The following BSN variants were observed in gnomAD, a reference collection of about 807,000 sequenced individuals.
BSN encodes the protein protein bassoon.
In BSN, 57 loss-of-function variants were observed where a neutral mutation model predicts 264.8. The observed-to-expected ratio is 0.22, with a 90% confidence interval of 0.17 to 0.27. BSN has a LOEUF of 0.27. BSN is among the 10% of genes least tolerant of loss of function. The probability of loss-of-function intolerance (pLI) is 1.00; values close to 1 mark genes in which losing one functional copy is unlikely to be tolerated. For synonymous variants in BSN, 2,059 were observed against 2,137.3 expected (o/e 0.96, Z 1.01); for missense variants, 4,615 against 5,232.5 (o/e 0.88, Z 3.64).
chr3:49,577,970 G>A (rs920415065), intron 1 of BSN, among the ~76,000 whole-genome samples: 1 of 152,134 alleles, frequency 6.6e-6, no homozygotes, highest in African/African-American at 2.4e-5. Context: ...AACTGCTGGG[G>A]GTAGCGGGGT....
At chr3:49,600,195 T>C (rs532257316) in intron 1 of BSN, among the ~76,000 whole-genome samples, 1 of 152,260 alleles carries the variant, frequency 6.6e-6, no homozygotes, top group East Asian at 1.9e-4. Context: ...GATCCTGAAT[T>C]GGCAGCCTGA....
chr3:49,573,455 G>T (rs1029235531), intron 1 of BSN, among the ~76,000 whole-genome samples: 7 of 152,170 alleles, frequency 4.6e-5, no homozygotes, highest in Non-Finnish European at 1.0e-4. Flanking sequence ...TGCTATGATT[G>T]CTGGGACTGG....
chr3:49,631,142 T>G (rs575753828), intron 2 of BSN, among the ~76,000 whole-genome samples: 1 of 151,964 alleles, frequency 6.6e-6, no homozygotes, highest in Non-Finnish European at 1.5e-5. Context: ...CTGTGAAGCC[T>G]TCAGACCAGT....
intron 1 of BSN, among the ~76,000 whole-genome samples, chr3:49,584,868 G>GA: frequency 6.6e-6 from 1 of 152,140 alleles, no homozygotes; most frequent in South Asian, 2.1e-4. Context: ...CAGATCCCAC[G>GA]AATAAGTGAG....
intron 5 of BSN, among the ~76,000 whole-genome samples, chr3:49,659,863 G>A (rs2052638916): frequency 6.6e-6 from 1 of 152,184 alleles, no homozygotes; most frequent in South Asian, 2.1e-4. Flanking sequence ...CAGAGGGTTT[G>A]GCAGAGGGCA....
intron 3 of BSN, among the ~76,000 whole-genome samples, chr3:49,645,992 C>A (rs764395453): frequency 1.1e-4 from 16 of 152,208 alleles, no homozygotes; most frequent in Non-Finnish European, 2.4e-4. Context: ...CCCTGTTAGA[C>A]CTCCTGGGAC....
At position 49,671,538 on chromosome 3, in the gene BSN, A is replaced by T. The variant is rs1280757385; in HGVS notation, c.*4053A>T. On this transcript the variant is annotated 3_prime_UTR_variant, in exon 12 of 12. Transcript: ENST00000296452. This position sits in a 1 kb window ranked among gnomAD's most constrained non-coding sequence, Gnocchi z 4.1. ...TGGTATCAGAATAAAAGGACTTGAT[A>T]TAAACAACCTACAGACTGTTTCTGG... 1.3e-5 allele frequency: 2 copies of T among 152,656 alleles called. No homozygotes were observed. Among genetic ancestry groups the T allele is most frequent in the African/African-American group, 4.8e-5 (2 of 41,454 alleles). The allele number at this position is 152,656 out of a possible 1,614,324, so 9.5% of individuals were successfully genotyped here. A position where few individuals can be genotyped will look rare whatever the true frequency, so the allele number is the denominator to read the frequency against.
chr3:49,631,228 A>G (rs1429455122), intron 2 of BSN, among the ~76,000 whole-genome samples: 1 of 151,886 alleles, frequency 6.6e-6, no homozygotes, highest in African/African-American at 2.4e-5. Context: ...GGGGAGGGCT[A>G]TGGCGGGTGC....
intron 1 of BSN, among the ~76,000 whole-genome samples, chr3:49,556,219 C>G (rs771338262): frequency 4.6e-5 from 7 of 152,154 alleles, no homozygotes; most frequent in Non-Finnish European, 1.0e-4. Flanking sequence ...GGAAAAACAC[C>G]TTGTTATTGA....
chr3:49,571,817 C>T lies in BSN; in HGVS notation c.224+16991C>T, dbSNP rs144243316. Among the ~76,000 whole-genome samples, 20 of 152,188 alleles carry T rather than the reference C, an allele frequency of 1.3e-4. No individual in the cohort carries two copies. In the East Asian group the frequency reaches 2.3e-3, roughly 18 times the overall value. On this transcript the variant is annotated intron_variant, in intron 1 of 11. Transcript: ENST00000296452. ...CTGGTAACGTGTACTGATTATTATT[C>T]GATGGCATGCAGTGGGGGTGGGTTT...
At chr3:49,558,685 C>G (rs1413113701) in intron 1 of BSN, among the ~76,000 whole-genome samples, 2 of 152,186 alleles carry the variant, frequency 1.3e-5, no homozygotes, top group African/African-American at 4.8e-5. Context: ...TCTTTGTCCC[C>G]AGTGGCTGGA....
At chr3:49,579,154 AT>A (rs111577896) in intron 1 of BSN, among the ~76,000 whole-genome samples, 1,147 of 141,338 alleles carry the variant, frequency 8.1e-3, no homozygotes, top group East Asian at 0.023. Context: ...TGCCTGGCTA[AT>A]TTTTTTTTTT....
In BSN at chr3:49,585,688, A is replaced by C. The variant is rs1389759142; in HGVS notation, c.224+30862A>C. Among the ~76,000 whole-genome samples, 1 of 152,252 alleles carries C rather than the reference A, an allele frequency of 6.6e-6. No homozygotes were observed. The highest frequency in any genetic ancestry group is 1.5e-5 in the Non-Finnish European group (1 of 68,048). Reference sequence around the variant, plus strand: ...TTGAGAAACCTCCAAACTGTTCTTCATAGTGGTTGTACTAATTTACATTCC... The same window carrying C: ...TTGAGAAACCTCCAAACTGTTCTTCCTAGTGGTTGTACTAATTTACATTCC... On this transcript the variant is annotated intron_variant, in intron 1 of 11. Transcript: ENST00000296452. The surrounding 1 kb of genome is among the most constrained non-coding windows in gnomAD (Gnocchi z 4.7).
chr3:49,631,136 G>A (rs1218950725), intron 2 of BSN, among the ~76,000 whole-genome samples: 1 of 152,106 alleles, frequency 6.6e-6, no homozygotes, highest in Non-Finnish European at 1.5e-5. Context: ...TCAGCTCTGT[G>A]AAGCCTTCAG....
chr3:49,594,136 A>G (rs1198074951), intron 1 of BSN, among the ~76,000 whole-genome samples: 1 of 152,208 alleles, frequency 6.6e-6, no homozygotes, highest in East Asian at 1.9e-4. Context: ...TTTCAAATAC[A>G]TTCTCCCAGT....
intron 1 of BSN, among the ~76,000 whole-genome samples, chr3:49,595,138 C>T (rs2052011938): frequency 6.6e-6 from 1 of 151,702 alleles, no homozygotes; most frequent in African/African-American, 2.4e-5. Context: ...ATCTGCCTGC[C>T]TTGACCTCCC....
At chr3:49,605,872 T>TTA (rs1327516006) in intron 1 of BSN, among the ~76,000 whole-genome samples, 1 of 48,140 alleles carries the variant, frequency 2.1e-5, no homozygotes, top group African/African-American at 8.1e-5. Flanking sequence ...TTATATCTAT[T>TTA]TATATATAGA....
Position 49,655,074 on chromosome 3 carries a change from G to T in BSN, c.5518G>T (p.Glu1840Ter), listed in dbSNP as rs367610320. The T allele has an allele frequency of 6.2e-7, 1 of 1,612,860 alleles. No individual in the cohort carries two copies. Reference sequence around the variant, plus strand: ...AGGCCCAGTGCCAGAGCCAGGTGCCGAGCCCCACCGGGCCACCCCTGCAGA... The same window carrying T: ...AGGCCCAGTGCCAGAGCCAGGTGCCTAGCCCCACCGGGCCACCCCTGCAGA... Reference protein sequence around the residue: ...KPGPVPEPGAEPHRATPAELR... With the variant: ...KPGPVPEPGA Residue 1840 changes from glutamate (E) to a stop codon, truncating the protein, a stop_gained, in exon 5 of 12, where the codon GAG becomes TAG. Coordinates refer to ENST00000296452, the MANE Select transcript of BSN (RefSeq NM_003458.4). LOFTEE classifies it high-confidence loss of function.
chr3:49,593,896 A>G (rs2108026613), intron 1 of BSN, among the ~76,000 whole-genome samples: 1 of 143,290 alleles, frequency 7.0e-6, no homozygotes, highest in African/African-American at 2.6e-5. Flanking sequence ...TCCGCCTCCC[A>G]GGTTCACGCC....
Sources: gnomAD v4.1 joint callset for allele counts (sites outside exome capture counted in the v4.1 genomes callset) on GRCh38, gnomAD v4.1.1 for gene constraint, Gnocchi (gnomAD v3.1) non-coding constraint, MANE v1.5 for transcripts, NCBI Gene and HGNC (gene_info 2026-07-23, HGNC 2026-07-21) for gene names.